The following EPHA6 variants were observed in gnomAD, a reference collection of about 807,000 sequenced individuals.
EPHA6 encodes EPH receptor A6, also known as ephrin type-A receptor 6.
A neutral mutation model predicts 112.0 loss-of-function variants in EPHA6; 50 were observed. That is an observed-to-expected ratio of 0.45 (90% CI 0.36 to 0.56). The LOEUF (loss-of-function observed/expected upper bound fraction) is 0.56, where lower values mean the gene tolerates loss of function less well. Ranked by LOEUF, EPHA6 falls within the 20% of genes least tolerant of loss-of-function variation. EPHA6 has a pLI of 0.00. For synonymous variants in EPHA6, 529 were observed against 490.7 expected, an observed-to-expected ratio of 1.08 and a Z score of -1.03; for missense variants, 1,280 against 1,417.4, an observed-to-expected ratio of 0.90 and a Z score of 1.56.
chr3:97,160,047 G>A (rs948408178), intron 3 of EPHA6, among the ~76,000 whole-genome samples: 2 of 152,088 alleles, frequency 1.3e-5, no homozygotes, highest in Admixed American at 1.3e-4. Flanking sequence ...CAAAGGTGAC[G>A]ATAGCCAAGT....
intron 3 of EPHA6, among the ~76,000 whole-genome samples, chr3:97,066,088 T>C (rs1459488662): frequency 6.6e-6 from 1 of 152,074 alleles, no homozygotes; most frequent in African/African-American, 2.4e-5. Context: ...TTGAATGAAT[T>C]AATGAATAAT....
intron 3 of EPHA6, among the ~76,000 whole-genome samples, chr3:97,013,161 ATTCT>A (rs1455276876): frequency 6.6e-6 from 1 of 152,052 alleles, no homozygotes; most frequent in Non-Finnish European, 1.5e-5. Flanking sequence ...TTAGTCATAA[ATTCT>A]TTCTCAAGTC....
chr3:97,453,231 AAGGGAAC>A (rs1195174233), intron 7 of EPHA6, among the ~76,000 whole-genome samples: 1 of 151,620 alleles, frequency 6.6e-6, no homozygotes, highest in African/African-American at 2.4e-5. Context: ...GAGCTATCAA[AAGGGAAC>A]AGAATCCATA....
chr3:97,360,319 G>A (rs1272295243), intron 5 of EPHA6, among the ~76,000 whole-genome samples: 1 of 152,174 alleles, frequency 6.6e-6, no homozygotes, highest in Non-Finnish European at 1.5e-5. Context: ...AGTTACATCA[G>A]ACAGACTCTG....
At chr3:97,124,446 A>G (rs1455309509) in intron 3 of EPHA6, among the ~76,000 whole-genome samples, 1 of 150,788 alleles carries the variant, frequency 6.6e-6, no homozygotes, top group East Asian at 2.0e-4. Flanking sequence ...GCCCTGAATG[A>G]TTAGAGAGGC....
intron 7 of EPHA6, among the ~76,000 whole-genome samples, chr3:97,471,639 G>A (rs992265736): frequency 5.3e-5 from 8 of 151,500 alleles, no homozygotes; most frequent in African/African-American, 1.9e-4. Context: ...ATTAGTGTTG[G>A]GTACACTCTC....
intron 3 of EPHA6, among the ~76,000 whole-genome samples, chr3:97,215,155 G>A (rs1490797413): frequency 1.3e-5 from 2 of 152,166 alleles, no homozygotes; most frequent in African/African-American, 4.8e-5. Flanking sequence ...CACACAGCAT[G>A]ATATGCTAGC....
chr3:97,701,631 T>C (rs1321265343), intron 14 of EPHA6, among the ~76,000 whole-genome samples: 1 of 151,490 alleles, frequency 6.6e-6, no homozygotes, highest in African/African-American at 2.4e-5. Context: ...TATATATATA[T>C]ATAATATCAT....
intron 11 of EPHA6, among the ~76,000 whole-genome samples, chr3:97,575,582 A>G (rs1266808867): frequency 6.6e-6 from 1 of 152,218 alleles, no homozygotes; most frequent in Non-Finnish European, 1.5e-5. Context: ...TAGATGAATG[A>G]TAAAGGGAAT....
At chr3:97,499,641 C>T (rs1040437146) in intron 10 of EPHA6, among the ~76,000 whole-genome samples, 1 of 152,086 alleles carries the variant, frequency 6.6e-6, no homozygotes, top group Non-Finnish European at 1.5e-5. Flanking sequence ...GCATACTGCA[C>T]TGAATACCTT....
At chr3:96,946,485 C>A (rs2041265809) in intron 2 of EPHA6, among the ~76,000 whole-genome samples, 1 of 152,090 alleles carries the variant, frequency 6.6e-6, no homozygotes. Flanking sequence ...TCATCCATGT[C>A]CCTACAAAGG....
rs150211778 is a variant in EPHA6, at chr3:97,344,360, T to G, written c.1607-60790T>G. ...AATAGTAAAATTGAAGCCTAATCCCTAATGTGATGGTATTTGGAGGTGAGA... is the reference window on the plus strand; with the variant it reads ...AATAGTAAAATTGAAGCCTAATCCCGAATGTGATGGTATTTGGAGGTGAGA... On this transcript the variant is annotated intron_variant, in intron 5 of 17. Coordinates refer to ENST00000389672, the MANE Select transcript of EPHA6 (RefSeq NM_001080448.3). Among the ~76,000 whole-genome samples the G allele has an allele frequency of 2.6e-4, 40 of 152,250 alleles. No homozygotes were observed. The Middle Eastern group carries it at 0.01, about 39-fold the overall frequency.
intron 6 of EPHA6, among the ~76,000 whole-genome samples, chr3:97,417,068 T>A (rs2107164798): frequency 6.6e-6 from 1 of 152,292 alleles, no homozygotes; most frequent in Admixed American, 6.5e-5. Context: ...ATAACACCAT[T>A]TCAAAAGTTA....
intron 6 of EPHA6, among the ~76,000 whole-genome samples, chr3:97,441,995 C>T (rs1044902401): frequency 5.9e-5 from 9 of 151,926 alleles, no homozygotes; most frequent in Non-Finnish European, 1.0e-4. Flanking sequence ...AAAGAAAGAA[C>T]ATATACTTTA....
chr3:97,666,454 A>G (rs2030120954), intron 14 of EPHA6, among the ~76,000 whole-genome samples: 1 of 152,158 alleles, frequency 6.6e-6, no homozygotes, highest in Non-Finnish European at 1.5e-5. Flanking sequence ...GTGAAAGATA[A>G]TCTGTTTTCT....
At chr3:97,335,556 T>C (rs1559896679) in intron 5 of EPHA6, among the ~76,000 whole-genome samples, 1 of 152,158 alleles carries the variant, frequency 6.6e-6, no homozygotes, top group Non-Finnish European at 1.5e-5. Flanking sequence ...TGTTCCTTTA[T>C]GGCACTATTG....
intron 3 of EPHA6, among the ~76,000 whole-genome samples, chr3:97,080,635 A>G (rs1261993421): frequency 6.6e-6 from 1 of 152,154 alleles, no homozygotes; most frequent in Non-Finnish European, 1.5e-5. Flanking sequence ...AGCAGCTTAC[A>G]GTGAGAAATG....
At chr3:97,344,499 A>C (rs973286500) in intron 5 of EPHA6, among the ~76,000 whole-genome samples, 5 of 152,102 alleles carry the variant, frequency 3.3e-5, no homozygotes, top group African/African-American at 1.2e-4. Flanking sequence ...CCTCTCCACC[A>C]TGTGAGGATA....
At chr3:97,662,864 A>G (rs1177003014) in intron 14 of EPHA6, among the ~76,000 whole-genome samples, 1 of 152,204 alleles carries the variant, frequency 6.6e-6, no homozygotes, top group Non-Finnish European at 1.5e-5. Context: ...ATTTCTGTGT[A>G]CACAGGCTTC....
Sources: allele counts gnomAD v4.1 joint callset (sites outside exome capture counted in the v4.1 genomes callset), GRCh38; gene constraint gnomAD v4.1.1; transcripts MANE v1.5; gene names NCBI Gene and HGNC (gene_info 2026-07-23, HGNC 2026-07-21).